The following CDCA7L variants were observed in gnomAD, a reference collection of about 807,000 sequenced individuals.
CDCA7L encodes the protein cell division cycle associated 7 like.
Under a neutral mutation model 57.4 loss-of-function variants are expected in CDCA7L, and 44 were observed. The ratio of observed to expected loss-of-function variants is 0.77; its 90% CI spans 0.60 to 0.98. The LOEUF (loss-of-function observed/expected upper bound fraction) is 0.98. Among genes scored for constraint, CDCA7L ranks in the 50% least tolerant of loss-of-function variants. The pLI, the probability that CDCA7L is intolerant of heterozygous loss-of-function variation, is 0.00. For missense variants in CDCA7L, 644 were observed against 580.6 expected (o/e 1.11, Z -1.12); for synonymous variants, 236 against 202.8 (o/e 1.16, Z -1.39).
chr7:21,909,963 G>C (rs1785263802), intron 3 of CDCA7L, among the ~76,000 whole-genome samples: 2 of 152,300 alleles, frequency 1.3e-5, no homozygotes, highest in South Asian at 2.1e-4. Context: ...TTCCCACAGG[G>C]GTGGGCAGGA....
chr7:21,903,125 G>A lies in CDCA7L; in HGVS notation c.1198-11C>T. On this transcript the variant is annotated splice_polypyrimidine_tract_variant and intron_variant, in intron 8 of 9. Transcript: ENST00000406877. ...GGGACACACCCAATCCTAACAGAGAGATGACAGCAGACACTTCGCTCATTA... is the reference window on the plus strand; with the variant it reads ...GGGACACACCCAATCCTAACAGAGAAATGACAGCAGACACTTCGCTCATTA... The A allele has an allele frequency of 3.7e-6, 6 of 1,611,466 alleles. No individual in the cohort carries two copies. The highest frequency in any genetic ancestry group is 1.7e-4 in the Middle Eastern group (1 of 6,056).
intron 1 of CDCA7L, among the ~76,000 whole-genome samples, chr7:21,921,421 C>A (rs1292077344): frequency 6.7e-6 from 1 of 149,040 alleles, no homozygotes; most frequent in Non-Finnish European, 1.5e-5. Context: ...GCAACAAAGG[C>A]AGCAAGATTT....
chr7:21,906,226 C>T (rs1264927188), intron 6 of CDCA7L, 63 bp downstream of exon 6: 19 of 1,476,208 alleles, frequency 1.3e-5, no homozygotes, highest in Middle Eastern at 4.5e-4. Flanking sequence ...CAGTGACGTG[C>T]GTTCACGTTT....
In CDCA7L at chr7:21,902,113, T is replaced by TGCATACATCTATATA; in HGVS notation, c.*194_*208dup. 6.6e-6 allele frequency: 4 copies of TGCATACATCTATATA among 604,330 alleles called. No homozygotes were observed. The highest frequency in any genetic ancestry group is 1.2e-5 in the Non-Finnish European group (4 of 337,432). 37.4% of individuals were successfully genotyped at this position (604,330 alleles called of 1,614,324 possible). A position where few individuals can be genotyped will look rare whatever the true frequency, so the allele number is the denominator to read the frequency against. ...AAAGTTCAGCATACAGACAGGTCTG[T>TGCATACATCTATATA]GCATACATCTATATAGATTCCTCTG... On this transcript the variant is annotated 3_prime_UTR_variant, in exon 10 of 10. Coordinates refer to ENST00000406877, the MANE Select transcript of CDCA7L (RefSeq NM_018719.5).
Position 21,945,853 on chromosome 7 carries a change from C to T in CDCA7L, c.-49G>A. The T allele has an allele frequency of 6.4e-7, 1 of 1,573,426 alleles. No individual in the cohort carries two copies. Among genetic ancestry groups the T allele is most frequent in the Non-Finnish European group, 8.6e-7 (1 of 1,162,118 alleles). On this transcript the variant is annotated 5_prime_UTR_variant, in exon 1 of 10. Coordinates refer to ENST00000406877, the MANE Select transcript of CDCA7L (RefSeq NM_018719.5). Reference sequence around the variant, plus strand: ...CCTCCCAGCACGCGGCCACGGGAGCCCGGACTCACCACGGCCCGGCGCACC... The same window carrying T: ...CCTCCCAGCACGCGGCCACGGGAGCTCGGACTCACCACGGCCCGGCGCACC...
chr7:21,919,630 C>T (rs1365357308), intron 1 of CDCA7L, among the ~76,000 whole-genome samples: 2 of 152,114 alleles, frequency 1.3e-5, no homozygotes, highest in East Asian at 3.9e-4. Context: ...GAATTCAAAT[C>T]CAACACGGAG....
intron 3 of CDCA7L, among the ~76,000 whole-genome samples, chr7:21,909,476 C>T (rs906593221): frequency 6.6e-6 from 1 of 152,004 alleles, no homozygotes; most frequent in South Asian, 2.1e-4. Context: ...CGGTGACGAC[C>T]ATCAACCCCA....
At chr7:21,944,449 C>CAAAAAAAAA (rs59373889) in intron 1 of CDCA7L, among the ~76,000 whole-genome samples, 1,004 of 61,414 alleles carry the variant, frequency 0.016, 40 homozygotes, top group African/African-American at 0.021. Flanking sequence ...ACTCCGTCTC[C>CAAAAAAAAA]AAAAAAAAAA....
In CDCA7L at chr7:21,903,066, G is replaced by T. The variant is rs368150780; in HGVS notation, c.1246C>A (p.Arg416=). The T allele has an allele frequency of 3.2e-5, 52 of 1,613,878 alleles. No homozygotes were observed. The highest frequency in any genetic ancestry group is 4.3e-5 in the Non-Finnish European group (51 of 1,179,942). ...GTGGCACAGCGGCCGTCACGCTTCC[G>T]ACAGTAGCTGCAATTGCAGATCCCA... ...CRGICNCSYC[R]KRDGRCATGI... The change falls in exon 9 of 10, where the codon CGG becomes AGG. Residue 416 remains arginine (R), a synonymous_variant. Transcript: ENST00000406877.
intron 1 of CDCA7L, among the ~76,000 whole-genome samples, chr7:21,935,552 A>G (rs1366440547): frequency 1.3e-5 from 2 of 151,716 alleles, no homozygotes; most frequent in African/African-American, 4.8e-5. Context: ...AATAGAATAG[A>G]TAATAGAATA....
chr7:21,917,085 G>C (rs929450846), intron 1 of CDCA7L, among the ~76,000 whole-genome samples, 191 bp from the exon 2 acceptor site: 1 of 151,988 alleles, frequency 6.6e-6, no homozygotes, highest in African/African-American at 2.4e-5. Context: ...GGGTGGGTGG[G>C]GGAGATAAAA....
At chr7:21,939,205 TA>T (rs1786266511) in intron 1 of CDCA7L, among the ~76,000 whole-genome samples, 2 of 152,022 alleles carry the variant, frequency 1.3e-5, no homozygotes, top group South Asian at 4.2e-4. Context: ...GAAGAGGTCA[TA>T]GGGGTAATTG....
rs1785053288 is a variant in CDCA7L, at chr7:21,904,199, G to C, written c.1108C>G (p.Gln370Glu). The C allele has an allele frequency of 3.7e-6, 6 of 1,613,660 alleles. No individual in the cohort carries two copies. In the South Asian group the frequency reaches 6.6e-5, roughly 18 times the overall value. The change falls in exon 8 of 10, where the codon CAG (glutamine) becomes GAG (glutamate). Residue 370 changes from glutamine (Q) to glutamate (E), a missense_variant. Gln to Glu is a conservative substitution (Grantham distance 29). Coordinates refer to ENST00000406877, the MANE Select transcript of CDCA7L (RefSeq NM_018719.5). ...TIDTKTVCRN[Q>E]GCCGVRGQFC... ...TGTCCTCGCACACCACAGCAACCCT[G>C]GTTCCGACACACTGTCTTGGTGTCG... is the stretch of plus-strand genomic sequence containing the variant.
chr7:21,926,581 G>C (rs979129852), intron 1 of CDCA7L, among the ~76,000 whole-genome samples: 3 of 152,250 alleles, frequency 2.0e-5, no homozygotes, highest in Admixed American at 2.0e-4. Flanking sequence ...ACCAAAAATA[G>C]GTAATACTGG....
At position 21,916,772 on chromosome 7, in the gene CDCA7L, T is replaced by C; in HGVS notation, c.147A>G (p.Ser49=). Reference sequence around the variant, plus strand: ...TCCATACCTGTTTCCCTGACTCTAGTGAGTCAAAACTATCGCAGCTCTCCT... The same window carrying C: ...TCCATACCTGTTTCCCTGACTCTAGCGAGTCAAAACTATCGCAGCTCTCCT... The part of the protein sequence containing the change: ...SSEESCDSFD[S]LESGKQQDVR... The change falls in exon 2 of 10, where the codon TCA becomes TCG. Residue 49 remains serine (S), a synonymous_variant. Transcript: ENST00000406877. 1 of 1,613,824 alleles carries C rather than the reference T, an allele frequency of 6.2e-7. No individual in the cohort carries two copies. The highest frequency in any genetic ancestry group is 8.5e-7 in the Non-Finnish European group (1 of 1,179,778).
At chr7:21,913,289 C>T (rs140419794) in intron 2 of CDCA7L, among the ~76,000 whole-genome samples, 102 of 151,834 alleles carry the variant, frequency 6.7e-4, no homozygotes, top group African/African-American at 2.4e-3. Context: ...TTGCTCAGAG[C>T]TGAATTACTT....
chr7:21,940,216 C>G, intron 1 of CDCA7L: 1 of 484,696 alleles, frequency 2.1e-6, no homozygotes, highest in Non-Finnish European at 2.7e-6. Context: ...AGTCAAATAG[C>G]CTTGACTGTT....
intron 2 of CDCA7L, among the ~76,000 whole-genome samples, chr7:21,915,894 TA>T (rs1785469034): frequency 6.6e-6 from 1 of 151,982 alleles, no homozygotes; most frequent in Non-Finnish European, 1.5e-5. Context: ...CCCAGGTGGT[TA>T]GAAGGAGGTC....
intron 3 of CDCA7L, among the ~76,000 whole-genome samples, chr7:21,908,739 C>T (rs1785219680): frequency 6.6e-6 from 1 of 152,132 alleles, no homozygotes; most frequent in African/African-American, 2.4e-5. Flanking sequence ...ATACCCGCGA[C>T]AGAAATGGGT....
Sources: allele counts gnomAD v4.1 joint callset (sites outside exome capture counted in the v4.1 genomes callset), GRCh38; gene constraint gnomAD v4.1.1; transcripts MANE v1.5; gene names NCBI Gene and HGNC (gene_info 2026-07-23, HGNC 2026-07-21).